Variants in AIG1 observed in about 807,000 individuals in gnomAD.
AIG1 encodes the protein androgen-induced gene 1 protein.
AIG1 carries 23 observed loss-of-function variants against 31.4 expected under a neutral mutation model. The observed-to-expected ratio is 0.73, with a 90% CI of 0.53 to 1.04. The LOEUF is 1.04. AIG1 is among the 50% of genes least tolerant of loss of function. The pLI is 0.00. For missense variants in AIG1, 274 were observed against 295.0 expected (o/e 0.93, Z 0.52); for synonymous variants, 100 against 110.5 (o/e 0.90, Z 0.60).
At chr6:143,085,256 A>G (rs889448695) in intron 1 of AIG1, among the ~76,000 whole-genome samples, 3 of 152,180 alleles carry the variant, frequency 2.0e-5, no homozygotes, top group African/African-American at 7.2e-5. Flanking sequence ...TGAAAATAGA[A>G]CATAGGGATG....
chr6:143,234,597 A>G (rs997987824), intron 3 of AIG1, among the ~76,000 whole-genome samples: 1 of 152,178 alleles, frequency 6.6e-6, no homozygotes, highest in African/African-American at 2.4e-5. Flanking sequence ...AGAAATAAGT[A>G]GGAAGGGGAA....
chr6:143,114,548 A>G (rs1781580688), intron 1 of AIG1, among the ~76,000 whole-genome samples: 1 of 152,242 alleles, frequency 6.6e-6, no homozygotes, highest in East Asian at 1.9e-4. Flanking sequence ...CACTATTTTT[A>G]TTTTATTAAG....
chr6:143,093,554 C>A (rs1368689818), intron 1 of AIG1, among the ~76,000 whole-genome samples: 1 of 152,160 alleles, frequency 6.6e-6, no homozygotes, highest in South Asian at 2.1e-4. Context: ...CTTTTAATTT[C>A]TTTCAATAAC....
chr6:143,194,488 A>G (rs1392835289), intron 3 of AIG1, among the ~76,000 whole-genome samples: 1 of 152,184 alleles, frequency 6.6e-6, no homozygotes, highest in Non-Finnish European at 1.5e-5. Flanking sequence ...TGAGCACGGA[A>G]AAGTCCTCTG....
chr6:143,339,433 A>T, intron 5 of AIG1: 1 of 467,194 alleles, frequency 2.1e-6, no homozygotes. Flanking sequence ...AAGGGTGGGG[A>T]AGAGAGGTCA....
chr6:143,284,254 A>C lies in AIG1; in HGVS notation c.515+29A>C. 6.6e-7 allele frequency: 1 copy of C among 1,521,730 alleles called. No homozygotes were observed. Among genetic ancestry groups the C allele is most frequent in the Non-Finnish European group, 9.1e-7 (1 of 1,101,974 alleles). The allele number at this position is 1,521,730 out of a possible 1,614,324, so 94.3% of individuals were successfully genotyped here. ...AGGACCATGCCTGCTGGGCTTTCTT[A>C]TTGTATTAGATTTTGCACTGCTAAA... On this transcript the variant is annotated intron_variant, in intron 4 of 5. Transcript: ENST00000357847. The surrounding 1 kb of genome is among the most constrained non-coding windows in gnomAD (Gnocchi z 4.4).
Position 143,292,973 on chromosome 6 carries a change from C to T in AIG1, c.515+8748C>T, listed in dbSNP as rs193158767. Among the ~76,000 whole-genome samples, 1 of 152,296 alleles carries T rather than the reference C, an allele frequency of 6.6e-6. No individual in the cohort carries two copies. The highest frequency in any genetic ancestry group is 2.4e-5 in the African/African-American group (1 of 41,566). On this transcript the variant is annotated intron_variant, in intron 4 of 5. Transcript: ENST00000357847. This position sits in a 1 kb window ranked among gnomAD's most constrained non-coding sequence, Gnocchi z 4.9. ...TCTAGATCTTTGAAGTTAGATGCTCCTTGTTTAGTTCCCGTCTTCCTCGGG... is the reference window on the plus strand; with the variant it reads ...TCTAGATCTTTGAAGTTAGATGCTCTTTGTTTAGTTCCCGTCTTCCTCGGG...
intron 3 of AIG1, among the ~76,000 whole-genome samples, chr6:143,216,939 G>A (rs1447181448): frequency 2.0e-5 from 3 of 152,192 alleles, no homozygotes; most frequent in South Asian, 2.1e-4. Flanking sequence ...ACACATGGCT[G>A]TAATATTAAG....
rs1342469606 is a variant in AIG1 at position 143,268,590 on chromosome 6, C to G, written c.400-15520C>G. 6.6e-6 allele frequency among the ~76,000 whole-genome samples: 1 copy of G among 152,096 alleles called. No individual in the cohort carries two copies. The highest frequency in any genetic ancestry group is 2.4e-5 in the African/African-American group (1 of 41,432). On this transcript the variant is annotated intron_variant, in intron 3 of 5. Coordinates refer to ENST00000357847, the MANE Select transcript of AIG1 (RefSeq NM_016108.4). The surrounding 1 kb of genome is among the most constrained non-coding windows in gnomAD (Gnocchi z 5.0). ...GTAAGGAATTTAATCATGTACTGAC[C>G]AATTTCTTGTTTCATAAGAACACTA...
downstream of AIG1, chr6:143,342,160 G>T: frequency 1.8e-6 from 1 of 558,076 alleles, no homozygotes; most frequent in Non-Finnish European, 3.3e-6. Flanking sequence ...CCGACCTTAG[G>T]TGATCACCCG....
At chr6:143,262,268 C>T (rs905268789) in intron 3 of AIG1, among the ~76,000 whole-genome samples, 1 of 152,244 alleles carries the variant, frequency 6.6e-6, no homozygotes, top group South Asian at 2.1e-4. Flanking sequence ...ATATTAAATA[C>T]TTCATGTTGT....
chr6:143,082,221 C>T (rs560468983), intron 1 of AIG1, among the ~76,000 whole-genome samples: 5 of 152,260 alleles, frequency 3.3e-5, no homozygotes, highest in African/African-American at 9.6e-5. Flanking sequence ...GTGCTAGTTC[C>T]TGGAGTGAGG....
At chr6:143,232,357 C>A (rs948705587) in intron 3 of AIG1, among the ~76,000 whole-genome samples, 1 of 152,128 alleles carries the variant, frequency 6.6e-6, no homozygotes. Context: ...CATGTGGACA[C>A]CCTGAGGCTC....
intron 3 of AIG1, among the ~76,000 whole-genome samples, chr6:143,255,939 C>G (rs1433006851): frequency 6.6e-6 from 1 of 152,060 alleles, no homozygotes. Context: ...ATTAATCTTT[C>G]AAAAGATTAA....
chr6:143,289,831 T>C (rs192064248), intron 4 of AIG1, among the ~76,000 whole-genome samples: 1 of 152,166 alleles, frequency 6.6e-6, no homozygotes, highest in Non-Finnish European at 1.5e-5. Context: ...TGAGTAAAAT[T>C]TTTAGGAAAA....
intron 1 of AIG1, among the ~76,000 whole-genome samples, chr6:143,115,763 C>A (rs369364810): frequency 5.2e-4 from 79 of 152,334 alleles, no homozygotes; most frequent in Middle Eastern, 3.4e-3. Context: ...CCATGAGTAT[C>A]ATTTTTGCTG....
intron 3 of AIG1, among the ~76,000 whole-genome samples, chr6:143,174,743 G>A (rs1787973480): frequency 6.6e-6 from 1 of 151,980 alleles, no homozygotes; most frequent in African/African-American, 2.4e-5. Flanking sequence ...TCACTTGGTT[G>A]GTTAATTCTT....
At chr6:143,068,503 T>A (rs1776934683) in intron 1 of AIG1, among the ~76,000 whole-genome samples, 1 of 152,232 alleles carries the variant, frequency 6.6e-6, no homozygotes. Flanking sequence ...GAACAAGATG[T>A]AAGACAGAAG....
Position 143,306,570 on chromosome 6 carries a change from A to G in AIG1, c.515+22345A>G, listed in dbSNP as rs9496578. Among the ~76,000 whole-genome samples, 767 of 152,232 alleles carry G rather than the reference A, an allele frequency of 5.0e-3. 2 individuals are homozygous for G. The highest frequency in any genetic ancestry group is 0.018 in the African/African-American group (739 of 41,508). On this transcript the variant is annotated intron_variant, in intron 4 of 5. Coordinates refer to ENST00000357847, the MANE Select transcript of AIG1 (RefSeq NM_016108.4). Reference sequence around the variant, plus strand: ...TTGTAGAGTTTCTGCTGAGAGATCCACTGTTAGTCTGATGGGCTTCCCTTT... The same window carrying G: ...TTGTAGAGTTTCTGCTGAGAGATCCGCTGTTAGTCTGATGGGCTTCCCTTT...
Sources: gnomAD v4.1 joint callset for allele counts (sites outside exome capture counted in the v4.1 genomes callset) on GRCh38, gnomAD v4.1.1 for gene constraint, Gnocchi (gnomAD v3.1) non-coding constraint, MANE v1.5 for transcripts, NCBI Gene and HGNC (gene_info 2026-07-23, HGNC 2026-07-21) for gene names.